Variants in AMTN observed in about 807,000 individuals in gnomAD.
AMTN encodes the protein amelotin, also known as RSTI689.
A neutral mutation model predicts 27.4 loss-of-function variants in AMTN; 29 were observed. That is an observed-to-expected ratio of 1.06 (90% CI 0.79 to 1.44). The LOEUF (loss-of-function observed/expected upper bound fraction) is 1.44, where lower values mean the gene tolerates loss of function less well. Among genes scored for constraint, AMTN ranks in the 40% most tolerant of loss-of-function variants. The probability of loss-of-function intolerance (pLI) is 0.00; values close to 1 mark genes in which losing one functional copy is unlikely to be tolerated. For missense variants in AMTN, 247 were observed against 248.8 expected (o/e 0.99, Z 0.05); for synonymous variants, 86 against 95.7 (o/e 0.90, Z 0.59).
intron 8 of AMTN, among the ~76,000 whole-genome samples, chr4:70,531,656 C>T (rs79355646): frequency 0.033 from 4,994 of 152,096 alleles, 243 homozygotes; most frequent in African/African-American, 0.1. Flanking sequence ...GGATTACAGG[C>T]GCACATCACC....
At chr4:70,521,640 C>CTTTTTTTTTTTTTTTTTTTTTTTTTTTT (rs763143860) in intron 2 of AMTN, among the ~76,000 whole-genome samples, 2 of 76,468 alleles carry the variant, frequency 2.6e-5, no homozygotes, top group Non-Finnish European at 4.6e-5. Context: ...ACCAACCTCT[C>CTTTTTTTTTTTTTTTTTTTTTTTTTTTT]TTTTTTTTTT....
At chr4:70,530,924 T>C (rs1736205439) in intron 7 of AMTN, 115 bp from the exon 8 acceptor site, 1 of 1,405,716 alleles carries the variant, frequency 7.1e-7, no homozygotes, top group Non-Finnish European at 9.6e-7. Flanking sequence ...CTTTGCTGTC[T>C]TCTCTGACTT....
intron 2 of AMTN, among the ~76,000 whole-genome samples, chr4:70,519,934 CTG>C (rs1369159393): frequency 8.9e-4 from 118 of 133,116 alleles, no homozygotes; most frequent in African/African-American, 3.6e-3. Flanking sequence ...GTGTGTGTGT[CTG>C]TGTGTGTGTG....
intron 7 of AMTN, among the ~76,000 whole-genome samples, chr4:70,529,672 T>C (rs992924345): frequency 1.3e-5 from 2 of 152,134 alleles, no homozygotes; most frequent in East Asian, 1.9e-4. Context: ...ACATAAATAA[T>C]TGGAGGGCTG....
chr4:70,524,229 C>G (rs1488574541), intron 4 of AMTN, among the ~76,000 whole-genome samples: 10 of 152,246 alleles, frequency 6.6e-5, no homozygotes, highest in Non-Finnish European at 1.5e-5. Flanking sequence ...CTTTAATGCC[C>G]CTACAGCATC....
chr4:70,530,764 T>A (rs1200686496), intron 7 of AMTN, among the ~76,000 whole-genome samples: 2 of 152,190 alleles, frequency 1.3e-5, no homozygotes, highest in Non-Finnish European at 2.9e-5. Flanking sequence ...TCTTATTTTT[T>A]GAAAAAATGT....
At position 70,518,746 on chromosome 4, in the gene AMTN, C is replaced by T; in HGVS notation, c.-15-17C>T. 6.6e-7 allele frequency: 1 copy of T among 1,524,044 alleles called. No homozygotes were observed. The highest frequency in any genetic ancestry group is 1.4e-5 in the African/African-American group (1 of 73,206). 94.4% of individuals were successfully genotyped at this position (1,524,044 alleles called of 1,614,324 possible). On this transcript the variant is annotated splice_polypyrimidine_tract_variant and intron_variant, in intron 1 of 8. Coordinates refer to ENST00000339336, the MANE Select transcript of AMTN (RefSeq NM_212557.4). ...AAAAAAAATACATGGAAGAGTAACA[C>T]TTTTTTGTTGTTGTAGGTAGCAATC...
chr4:70,529,283 C>T (rs1736165396), intron 7 of AMTN, 73 bp downstream of exon 7: 5 of 1,159,878 alleles, frequency 4.3e-6, no homozygotes, highest in Non-Finnish European at 5.9e-6. Flanking sequence ...CATATAGTCT[C>T]TTTTGACCAT....
At chr4:70,519,914 G>C (rs1014998592) in intron 2 of AMTN, among the ~76,000 whole-genome samples, 2 of 61,072 alleles carry the variant, frequency 3.3e-5, no homozygotes, top group Non-Finnish European at 9.7e-5. Context: ...TACTACATAC[G>C]TGTGTGTGTG....
rs1462483054 is a variant in AMTN at position 70,529,520 on chromosome 4, T to A, written c.357+310T>A. 2.0e-5 allele frequency among the ~76,000 whole-genome samples: 3 copies of A among 152,218 alleles called. No homozygotes were observed. In the East Asian group the frequency reaches 5.8e-4, roughly 29 times the overall value. On this transcript the variant is annotated intron_variant, in intron 7 of 8. Transcript: ENST00000339336. ...ATTTCAGTCTAGGATTATAAACTAT[T>A]GAAATGTATGCAAATGTAGAATAAC...
intron 2 of AMTN, among the ~76,000 whole-genome samples, chr4:70,519,934 C>G (rs28499897): frequency 0.4 from 53,011 of 132,940 alleles, 10,488 homozygotes; most frequent in Admixed American, 0.49. Flanking sequence ...GTGTGTGTGT[C>G]TGTGTGTGTG....
At chr4:70,524,845 A>T in intron 4 of AMTN, 27 bp from the exon 5 acceptor site, 1 of 1,605,284 alleles carries the variant, frequency 6.2e-7, no homozygotes, top group Non-Finnish European at 8.5e-7. Flanking sequence ...AAAAAATACA[A>T]TGAAAGTCTT....
intron 5 of AMTN, among the ~76,000 whole-genome samples, chr4:70,525,518 A>G (rs1211509671): frequency 6.6e-6 from 1 of 152,210 alleles, no homozygotes; most frequent in Non-Finnish European, 1.5e-5. Flanking sequence ...TACTTTAGGC[A>G]TCACCTGTTT....
In AMTN at chr4:70,518,608, A is replaced by G. The variant is rs1267016412; in HGVS notation, c.-62A>G. Reference sequence around the variant, plus strand: ...TTTTTCACCAGAGTAAACTTGAGAAACCAACTGGACCTTGAGTATTGTACA... The same window carrying G: ...TTTTTCACCAGAGTAAACTTGAGAAGCCAACTGGACCTTGAGTATTGTACA... On this transcript the variant is annotated 5_prime_UTR_variant, in exon 1 of 9. Transcript: ENST00000339336. 6.9e-6 allele frequency: 4 copies of G among 579,438 alleles called. No homozygotes were observed. Among genetic ancestry groups the G allele is most frequent in the Non-Finnish European group, 1.2e-5 (4 of 329,120 alleles). 35.9% of individuals were successfully genotyped at this position (579,438 alleles called of 1,614,324 possible).
At chr4:70,529,669 T>C (rs779677582) in intron 7 of AMTN, among the ~76,000 whole-genome samples, 4 of 152,160 alleles carry the variant, frequency 2.6e-5, no homozygotes, top group Non-Finnish European at 4.4e-5. Flanking sequence ...CACACATAAA[T>C]AATTGGAGGG....
At chr4:70,524,046 A>G (rs1736042212) in intron 4 of AMTN, 113 bp downstream of exon 4, 2 of 784,150 alleles carry the variant, frequency 2.6e-6, no homozygotes, top group South Asian at 3.8e-5. Context: ...GAAAACACAC[A>G]TATACTTATT....
At chr4:70,519,123 G>T (rs35026749) in intron 2 of AMTN, among the ~76,000 whole-genome samples, 53,655 of 152,048 alleles carry the variant, frequency 0.35, 10,746 homozygotes, top group Admixed American at 0.46. Flanking sequence ...TTAAGTGGAT[G>T]ATTATTTTAT....
At chr4:70,530,646 TCTAA>T (rs1294878137) in intron 7 of AMTN, among the ~76,000 whole-genome samples, 9 of 152,322 alleles carry the variant, frequency 5.9e-5, no homozygotes, top group African/African-American at 2.2e-4. Flanking sequence ...GATAAATGTT[TCTAA>T]CTAAGTATTC....
intron 8 of AMTN, 86 bp from the exon 9 acceptor site, chr4:70,532,369 C>A: frequency 8.8e-7 from 1 of 1,132,516 alleles, no homozygotes; most frequent in Admixed American, 2.2e-5. Flanking sequence ...CCTAATCCTG[C>A]AAAAGAAACT....
Sources: allele counts gnomAD v4.1 joint callset (sites outside exome capture counted in the v4.1 genomes callset), GRCh38; gene constraint gnomAD v4.1.1; transcripts MANE v1.5; gene names NCBI Gene and HGNC (gene_info 2026-07-23, HGNC 2026-07-21).